AAK1: variants seen among roughly 807,000 people sequenced by gnomAD.
The protein encoded by AAK1 is AP2-associated protein kinase 1.
AAK1 carries 37 observed loss-of-function variants against 116.0 expected under a neutral mutation model. The observed-to-expected ratio is 0.32, with a 90% CI of 0.25 to 0.42. The LOEUF (loss-of-function observed/expected upper bound fraction) is 0.42. Among genes scored for constraint, AAK1 ranks in the 10% least tolerant of loss-of-function variants. AAK1 has a pLI of 1.00. For synonymous variants in AAK1, 458 were observed against 439.9 expected, an observed-to-expected ratio of 1.04 and a Z score of -0.51; for missense variants, 919 against 1,170.6, an observed-to-expected ratio of 0.79 and a Z score of 3.14.
At chr2:69,571,416 C>T (rs2105119657) in intron 2 of AAK1, among the ~76,000 whole-genome samples, 1 of 152,312 alleles carries the variant, frequency 6.6e-6, no homozygotes, top group Admixed American at 6.5e-5. Flanking sequence ...CCAACACCCA[C>T]AAAATCTAGC....
At chr2:69,557,399 T>C (rs1326037050) in intron 2 of AAK1, among the ~76,000 whole-genome samples, 3 of 151,898 alleles carry the variant, frequency 2.0e-5, no homozygotes, top group African/African-American at 7.3e-5. Context: ...CCTCCTGGGT[T>C]CAATCGATCC....
intron 15 of AAK1, among the ~76,000 whole-genome samples, chr2:69,506,963 T>C (rs772403325): frequency 1.2e-4 from 18 of 152,108 alleles, no homozygotes; most frequent in African/African-American, 3.9e-4. Context: ...ATCATCTTTC[T>C]GTGTAGTACA....
intron 20 of AAK1, among the ~76,000 whole-genome samples, chr2:69,478,274 A>AT (rs1416069911): frequency 2.0e-5 from 3 of 152,374 alleles, no homozygotes; most frequent in African/African-American, 7.2e-5. Context: ...TGATCATTAT[A>AT]GGCAGGCAGT....
intron 16 of AAK1, among the ~76,000 whole-genome samples, chr2:69,498,697 T>C (rs1489908178): frequency 1.3e-5 from 2 of 152,236 alleles, no homozygotes; most frequent in Non-Finnish European, 2.9e-5. Flanking sequence ...AAAGGTGGGA[T>C]TGCTGGATGG....
intron 2 of AAK1, among the ~76,000 whole-genome samples, chr2:69,565,762 C>T (rs975717004): frequency 6.6e-6 from 1 of 152,124 alleles, no homozygotes; most frequent in Non-Finnish European, 1.5e-5. Flanking sequence ...GTATCCTCTC[C>T]ACGGTAAGAA....
At position 69,586,810 on chromosome 2, in the gene AAK1, A is replaced by G. The variant is rs149602124; in HGVS notation, c.164-29832T>C. On this transcript the variant is annotated intron_variant, in intron 2 of 21. Coordinates refer to ENST00000409085, the MANE Select transcript of AAK1 (RefSeq NM_014911.5). ...AATCACCTTGGAAGTTTTTAAAAAG[A>G]TAATTCTCCAGTTTCCCAGCTGGAA... 4.0e-3 allele frequency among the ~76,000 whole-genome samples: 615 copies of G among 152,320 alleles called. 17 individuals carry two copies. Among genetic ancestry groups the G allele is most frequent in the Non-Finnish European group, 5.6e-4 (38 of 68,032 alleles).
chr2:69,614,086 TG>T (rs1379768157), intron 2 of AAK1, among the ~76,000 whole-genome samples: 1 of 152,182 alleles, frequency 6.6e-6, no homozygotes, highest in Admixed American at 6.5e-5. Flanking sequence ...GTGTCAGAAA[TG>T]TGAGTAGAGG....
At chr2:69,603,439 C>T (rs1193628143) in intron 2 of AAK1, among the ~76,000 whole-genome samples, 1 of 152,148 alleles carries the variant, frequency 6.6e-6, no homozygotes, top group Non-Finnish European at 1.5e-5. Flanking sequence ...CTTGTGGGCT[C>T]TCACAAAGCA....
At chr2:69,584,459 T>C (rs1402683510) in intron 2 of AAK1, among the ~76,000 whole-genome samples, 1 of 152,172 alleles carries the variant, frequency 6.6e-6, no homozygotes, top group East Asian at 1.9e-4. Flanking sequence ...AGTCAGAAGG[T>C]TGCTTTCAGC....
At chr2:69,547,345 T>C (rs576043326) in intron 3 of AAK1, among the ~76,000 whole-genome samples, 1 of 152,208 alleles carries the variant, frequency 6.6e-6, no homozygotes, top group South Asian at 2.1e-4. Flanking sequence ...TGGAAGAAAA[T>C]ATTTACAAAT....
chr2:69,503,223 A>G (rs1440206815), intron 16 of AAK1, among the ~76,000 whole-genome samples: 2 of 152,224 alleles, frequency 1.3e-5, no homozygotes, highest in African/African-American at 4.8e-5. Flanking sequence ...ATTAAATGAC[A>G]ACATTCTATT....
intron 2 of AAK1, chr2:69,598,378 T>C (rs2105187969): frequency 3.1e-6 from 1 of 325,022 alleles, no homozygotes; most frequent in East Asian, 5.6e-5. Flanking sequence ...TTATAAAATG[T>C]CCAGAGGTTG....
At chr2:69,495,750 T>A (rs553039205) in intron 17 of AAK1, among the ~76,000 whole-genome samples, 15 of 152,310 alleles carry the variant, frequency 9.8e-5, no homozygotes, top group Admixed American at 2.6e-4. Context: ...AACATTGATA[T>A]AATATGGAAA....
At chr2:69,643,456 G>A (rs1486579923) in intron 1 of AAK1, 119 bp downstream of exon 1, 1 of 1,195,176 alleles carries the variant, frequency 8.4e-7, no homozygotes, top group Non-Finnish European at 1.0e-6. Context: ...CCCGAGCCGG[G>A]AGCTCGGAGA....
intron 2 of AAK1, among the ~76,000 whole-genome samples, chr2:69,607,438 A>G (rs1426374146): frequency 6.6e-6 from 1 of 152,166 alleles, no homozygotes; most frequent in East Asian, 1.9e-4. Flanking sequence ...ATGATGCGTT[A>G]ACACTTTATC....
chr2:69,476,808 C>A (rs1674874187), intron 21 of AAK1, 72 bp downstream of exon 21: 1 of 1,025,890 alleles, frequency 9.7e-7, no homozygotes, highest in Non-Finnish European at 1.5e-6. Flanking sequence ...TTCCCCCTTG[C>A]AGATTAGGTG....
In AAK1 at chr2:69,484,602, G is replaced by A. The variant is rs561555914; in HGVS notation, c.2366-1790C>T. Among the ~76,000 whole-genome samples the A allele has an allele frequency of 2.0e-5, 3 of 152,292 alleles. No homozygotes were observed. The South Asian group carries it at 6.2e-4, about 32-fold the overall frequency. The stretch of plus-strand genomic sequence containing the variant: ...GAGGACAGGAGTTCGAGACCAGCCT[G>A]GCCAACATGGGGAAATCCACATCTC... On this transcript the variant is annotated intron_variant, in intron 17 of 21. Transcript: ENST00000409085.
Position 69,640,049 on chromosome 2 carries a change from A to ACT in AAK1, c.163+2828_163+2829insAG, listed in dbSNP as rs1158229745. Among the ~76,000 whole-genome samples the ACT allele has an allele frequency of 8.6e-3, 987 of 114,768 alleles. 10 individuals are homozygous for ACT. The highest frequency in any genetic ancestry group is 0.03 in the African/African-American group (772 of 25,364). 75.3% of individuals were successfully genotyped at this position (114,768 alleles called of 152,430 possible). ...CACACACACACACACACACACACACACACACTCTCTCTCTCTCTCTCTCTC... is the reference window on the plus strand; with the variant it reads ...CACACACACACACACACACACACACACTCACACTCTCTCTCTCTCTCTCTCTC... On this transcript the variant is annotated intron_variant, in intron 2 of 21. Transcript: ENST00000409085.
At chr2:69,609,031 C>G (rs770927473) in intron 2 of AAK1, among the ~76,000 whole-genome samples, 3 of 152,186 alleles carry the variant, frequency 2.0e-5, no homozygotes, top group Non-Finnish European at 2.9e-5. Context: ...GTTAGGATGT[C>G]AATACTATCC....
Sources: gnomAD v4.1 joint callset for allele counts (sites outside exome capture counted in the v4.1 genomes callset) on GRCh38, gnomAD v4.1.1 for gene constraint, MANE v1.5 for transcripts, NCBI Gene and HGNC (gene_info 2026-07-23, HGNC 2026-07-21) for gene names.